Variants in AMPD1 observed in about 807,000 individuals in gnomAD.
The protein encoded by AMPD1 is adenosine monophosphate deaminase 1.
AMPD1 carries 74 observed loss-of-function variants against 82.9 expected under a neutral mutation model. The ratio of observed to expected loss-of-function variants is 0.89; its 90% CI spans 0.74 to 1.08. The LOEUF is 1.08. Ranked by LOEUF, AMPD1 falls within the 50% of genes least tolerant of loss-of-function variation. The pLI is 0.00. For synonymous variants in AMPD1, 333 were observed against 320.5 expected, an observed-to-expected ratio of 1.04 and a Z score of -0.42; for missense variants, 881 against 924.5, an observed-to-expected ratio of 0.95 and a Z score of 0.61.
At chr1:114,691,943 T>C (rs576411052) in intron 2 of AMPD1, among the ~76,000 whole-genome samples, 1 of 151,686 alleles carries the variant, frequency 6.6e-6, no homozygotes, top group Non-Finnish European at 1.5e-5. Flanking sequence ...AAATAAAAAT[T>C]AAAATTAAAA....
intron 11 of AMPD1, 83 bp from the exon 12 acceptor site, chr1:114,675,776 A>G (rs555960232): frequency 6.2e-7 from 1 of 1,613,338 alleles, no homozygotes; most frequent in East Asian, 2.2e-5. Context: ...GTCCAAAGGC[A>G]CAGACCAAAC....
In AMPD1 at chr1:114,680,479, C is replaced by A. The variant is rs1658126217; in HGVS notation, c.548-1G>T. On this transcript the variant is annotated splice_acceptor_variant, in intron 5 of 15. Transcript: ENST00000520113. LOFTEE classifies it high-confidence loss of function. ...CCCTTCTTCACAGGAGGAGTAAAGA[C>A]TTTTTCAATCAAACACAGAGTAATA... 6.2e-7 allele frequency: 1 copy of A among 1,613,616 alleles called. No homozygotes were observed. Among genetic ancestry groups the A allele is most frequent in the South Asian group, 1.1e-5 (1 of 91,080 alleles).
At position 114,675,866 on chromosome 1, in the gene AMPD1, G is replaced by A. The variant is rs1166809394; in HGVS notation, c.1515+11C>T. 3.1e-6 allele frequency: 5 copies of A among 1,614,054 alleles called. No individual in the cohort carries two copies. Among genetic ancestry groups the A allele is most frequent in the Non-Finnish European group, 2.5e-6 (3 of 1,180,018 alleles). On this transcript the variant is annotated intron_variant, in intron 11 of 15. Coordinates refer to ENST00000520113, the MANE Select transcript of AMPD1 (RefSeq NM_000036.3). ...GAGCAGCAGTATGAAGGCCTGAAGGGTCATGCTTACATGCTTGAGGAAGAC... is the reference window on the plus strand; with the variant it reads ...GAGCAGCAGTATGAAGGCCTGAAGGATCATGCTTACATGCTTGAGGAAGAC...
At chr1:114,689,065 T>C (rs1658431472) in intron 2 of AMPD1, 1 of 575,390 alleles carries the variant, frequency 1.7e-6, no homozygotes, top group Admixed American at 1.9e-5. Flanking sequence ...AGGCTAAGTT[T>C]GATTTCATAG....
chr1:114,680,130 T>C, intron 6 of AMPD1, 129 bp downstream of exon 6: 1 of 867,336 alleles, frequency 1.2e-6, no homozygotes, highest in Non-Finnish European at 1.9e-6. Context: ...CATGAAGGGC[T>C]TAATACAGTG....
intron 5 of AMPD1, 32 bp downstream of exon 5, chr1:114,684,167 A>G (rs751639583): frequency 7.5e-6 from 12 of 1,604,546 alleles, no homozygotes; most frequent in South Asian, 1.1e-5. Flanking sequence ...TAAATAAAAT[A>G]TGTTTCATAC....
intron 5 of AMPD1, among the ~76,000 whole-genome samples, chr1:114,680,925 A>G (rs1658141028): frequency 1.3e-5 from 2 of 152,286 alleles, no homozygotes; most frequent in East Asian, 1.9e-4. Context: ...CTGAGATAGC[A>G]CCACTGCACT....
chr1:114,680,541 C>A lies in AMPD1; in HGVS notation c.548-63G>T, dbSNP rs547893451. ...AGGATGAACGACCACATAAAAATAA[C>A]CAAAATGTGAAATACTACAACATCT... On this transcript the variant is annotated intron_variant, in intron 5 of 15. Coordinates refer to ENST00000520113, the MANE Select transcript of AMPD1 (RefSeq NM_000036.3). 14 of 1,409,704 alleles carry A rather than the reference C, an allele frequency of 9.9e-6. No homozygotes were observed. In the African/African-American group the frequency reaches 1.8e-4, roughly 19 times the overall value. 87.3% of individuals were successfully genotyped at this position (1,409,704 alleles called of 1,614,324 possible). A position where few individuals can be genotyped will look rare whatever the true frequency, so the allele number is the denominator to read the frequency against.
At chr1:114,683,347 AC>A (rs1658217014) in intron 5 of AMPD1, among the ~76,000 whole-genome samples, 2 of 152,180 alleles carry the variant, frequency 1.3e-5, no homozygotes, top group South Asian at 4.1e-4. Context: ...AAGGTGTTGA[AC>A]TATGTAGGGA....
rs775096071 is a variant in AMPD1, at chr1:114,686,836, G to A, written c.290C>T (p.Ser97Phe). The stretch of plus-strand genomic sequence containing the variant: ...TGAGGAAATGTATTCATCAATGTGG[G>A]ACAGTTTGGTGGAAGATGTTTCACT... ...PLSETSSTKL[S>F]HIDEYISSSP... The change falls in exon 4 of 16, where the codon TCC becomes TTC. Residue 97 changes from serine to phenylalanine, a missense_variant. Physicochemically the swap from Ser to Phe is radical, Grantham distance 155. This residue lies in a region of AMPD1 where 783 missense variants were observed against 786.4 expected (regional missense o/e 1.00). Transcript: ENST00000520113. 3 of 1,614,032 alleles carry A rather than the reference G, an allele frequency of 1.9e-6. No homozygotes were observed. The highest frequency in any genetic ancestry group is 2.2e-5 in the East Asian group (1 of 44,892).
intron 2 of AMPD1, 72 bp downstream of exon 2, chr1:114,693,364 G>C: frequency 6.9e-7 from 1 of 1,445,972 alleles, no homozygotes; most frequent in Non-Finnish European, 9.7e-7. Context: ...CCATGTTTCT[G>C]AATTAAGGAA....
chr1:114,682,630 G>A (rs1658191523), intron 5 of AMPD1, among the ~76,000 whole-genome samples: 2 of 150,872 alleles, frequency 1.3e-5, no homozygotes, highest in Admixed American at 1.3e-4. Flanking sequence ...CCAGGCTGGA[G>A]TGCAGTGGCG....
chr1:114,684,880 A>T (rs1658265480), intron 4 of AMPD1, among the ~76,000 whole-genome samples: 1 of 152,192 alleles, frequency 6.6e-6, no homozygotes, highest in Admixed American at 6.5e-5. Flanking sequence ...ACGATGGATC[A>T]CAACATCATT....
At position 114,673,359 on chromosome 1, in the gene AMPD1, C is replaced by T. The variant is rs1657887875; in HGVS notation, c.2086-87G>A. 4.1e-6 allele frequency: 6 copies of T among 1,470,410 alleles called. No individual in the cohort carries two copies. The Admixed American group carries it at 1.0e-4, about 26-fold the overall frequency. The allele number at this position is 1,470,410 out of a possible 1,614,324, so 91.1% of individuals were successfully genotyped here. On this transcript the variant is annotated intron_variant, in intron 15 of 15. Coordinates refer to ENST00000520113, the MANE Select transcript of AMPD1 (RefSeq NM_000036.3). ...TTGCATTCTTTACAAAAATTCCTTC[C>T]TTATGTTAGCCACTGACAAAAGAAT...
At chr1:114,678,256 G>A in intron 8 of AMPD1, 77 bp downstream of exon 8, 2 of 1,554,608 alleles carry the variant, frequency 1.3e-6, no homozygotes, top group Non-Finnish European at 1.8e-6. Flanking sequence ...AGACCTCTGA[G>A]AAGGGAGGGC....
intron 2 of AMPD1, chr1:114,688,946 A>G (rs1467851905): frequency 1.3e-6 from 1 of 754,526 alleles, no homozygotes; most frequent in South Asian, 1.4e-5. Context: ...TCTCAGAAAC[A>G]TGGGTCAGAT....
intron 13 of AMPD1, 22 bp from the exon 14 acceptor site, chr1:114,674,104 AT>A (rs756299631): frequency 1.1e-5 from 18 of 1,603,706 alleles, no homozygotes; most frequent in Non-Finnish European, 1.5e-5. Context: ...AAGTAAAAAA[AT>A]ATTTAAAGAT....
intron 10 of AMPD1, among the ~76,000 whole-genome samples, chr1:114,677,074 T>A (rs1658004891): frequency 1.3e-5 from 2 of 152,054 alleles, no homozygotes; most frequent in South Asian, 4.2e-4. Flanking sequence ...CTGTACATAG[T>A]TCTTATTCTA....
chr1:114,677,247 G>T, intron 10 of AMPD1, 104 bp downstream of exon 10: 1 of 1,500,520 alleles, frequency 6.7e-7, no homozygotes, highest in African/African-American at 1.4e-5. Flanking sequence ...TTTTAACAAA[G>T]CTGATTTATT....
Sources: allele counts gnomAD v4.1 joint callset (sites outside exome capture counted in the v4.1 genomes callset), GRCh38; gene constraint gnomAD v4.1.1; regional missense constraint gnomAD v4.1.1; transcripts MANE v1.5; gene names NCBI Gene and HGNC (gene_info 2026-07-23, HGNC 2026-07-21).